KSR1: variants seen among roughly 807,000 people sequenced by gnomAD.
KSR1 encodes the protein kinase suppressor of ras.
In KSR1, 35 loss-of-function variants were observed where a neutral mutation model predicts 92.9. That is an observed-to-expected ratio of 0.38 (90% CI 0.29 to 0.50). The LOEUF is 0.50. KSR1 is among the 20% of genes least tolerant of loss of function. KSR1 has a pLI of 0.94. For synonymous variants in KSR1, 467 were observed against 472.6 expected (o/e 0.99, Z 0.15); for missense variants, 972 against 1,158.5 (o/e 0.84, Z 2.34).
intron 1 of KSR1, among the ~76,000 whole-genome samples, chr17:27,527,483 A>G (rs1012471114): frequency 1.8e-5 from 2 of 113,866 alleles, no homozygotes; most frequent in African/African-American, 7.9e-5. Context: ...GCTCACTGCA[A>G]CCTCCGCCTC....
At chr17:27,535,293 T>C (rs1323254668) in intron 1 of KSR1, among the ~76,000 whole-genome samples, 1 of 152,138 alleles carries the variant, frequency 6.6e-6, no homozygotes, top group South Asian at 2.1e-4. Flanking sequence ...CCGTAAACTC[T>C]GTAGTGCTGT....
At chr17:27,618,470 C>T (rs1183420550) in intron 19 of KSR1, among the ~76,000 whole-genome samples, 2 of 152,208 alleles carry the variant, frequency 1.3e-5, no homozygotes, top group East Asian at 1.9e-4. Context: ...AGGTCTAGGG[C>T]AGGTAAACTG....
rs371623461 is a variant in KSR1, at chr17:27,623,363, G to T, written c.2758G>T (p.Val920Phe). ...VPRFERFGLGVLESSNPKM is the reference protein window; with the variant it reads ...VPRFERFGLGFLESSNPKM ...CCGGTTTGAAAGGTTTGGCTTGGGC[G>T]TCCTGGAGTCCAGTAATCCAAAGAT... The change falls in exon 21 of 21, where the codon GTC becomes TTC. Residue 920 changes from valine to phenylalanine, a missense_variant. Val to Phe is a conservative substitution (Grantham distance 50). Around this residue, in one of 5 missense-constraint regions of KSR1, gnomAD observed 46 missense variants for 39.0 expected, o/e 1.18. Coordinates refer to ENST00000644974, the MANE Select transcript of KSR1 (RefSeq NM_001394583.1). 2.6e-6 allele frequency: 2 copies of T among 764,926 alleles called. No homozygotes were observed. The highest frequency in any genetic ancestry group is 3.4e-5 in the Admixed American group (2 of 58,982). The allele number at this position is 764,926 out of a possible 1,614,324, so 47.4% of individuals were successfully genotyped here. A position where few individuals can be genotyped will look rare whatever the true frequency, so the allele number is the denominator to read the frequency against.
rs1009705673 is a variant in KSR1 at position 27,599,092 on chromosome 17, G to T, written c.1468+1656G>T. ...GAGCGCACTTACGTAAACCCAGATG[G>T]TATAGTCCTCCACACGCCTCGGCTG... is the stretch of plus-strand genomic sequence containing the variant. On this transcript the variant is annotated intron_variant, in intron 10 of 20. Coordinates refer to ENST00000644974, the MANE Select transcript of KSR1 (RefSeq NM_001394583.1). Among the ~76,000 whole-genome samples, 87 of 152,226 alleles carry T rather than the reference G, an allele frequency of 5.7e-4. 1 individual carries two copies. The highest frequency in any genetic ancestry group is 1.5e-3 in the African/African-American group (64 of 41,456).
At chr17:27,473,694 A>G (rs2020148644) in intron 1 of KSR1, among the ~76,000 whole-genome samples, 1 of 152,184 alleles carries the variant, frequency 6.6e-6, no homozygotes, top group African/African-American at 2.4e-5. Context: ...CTGGTGGTAC[A>G]TTTTAGGAGA....
chr17:27,474,591 A>G (rs1334434505), intron 1 of KSR1, among the ~76,000 whole-genome samples: 7 of 152,222 alleles, frequency 4.6e-5, no homozygotes, highest in African/African-American at 1.7e-4. Context: ...AGTAAGTAAG[A>G]TGAGCCATGG....
rs2073658255 is a variant in KSR1 at position 27,603,899 on chromosome 17, C to G, written c.1565+11C>G. The G allele has an allele frequency of 1.2e-6, 2 of 1,613,622 alleles. No homozygotes were observed. The highest frequency in any genetic ancestry group is 2.7e-5 in the African/African-American group (2 of 75,022). ...TGCCGACGGTACCCGGTAGGCATCC[C>G]TAGGTGGTGTCCCCTTCGCTTCTTT... On this transcript the variant is annotated intron_variant, in intron 12 of 20. Transcript: ENST00000644974.
At chr17:27,526,094 T>TTTTC (rs2070282717) in intron 1 of KSR1, among the ~76,000 whole-genome samples, 1 of 118,402 alleles carries the variant, frequency 8.4e-6, no homozygotes, top group Non-Finnish European at 1.7e-5. Context: ...CTTTCTTTCT[T>TTTTC]TCTCTCTCTC....
chr17:27,611,954 A>T (rs1382699021), intron 18 of KSR1, among the ~76,000 whole-genome samples: 1 of 152,178 alleles, frequency 6.6e-6, no homozygotes, highest in Non-Finnish European at 1.5e-5. Context: ...ATGAAAGAAG[A>T]TAATTTTTTT....
chr17:27,576,083 A>T (rs2072493953), intron 2 of KSR1, among the ~76,000 whole-genome samples: 1 of 152,082 alleles, frequency 6.6e-6, no homozygotes, highest in African/African-American at 2.4e-5. Context: ...TTTTTCCCAG[A>T]GGCCACCCCC....
intron 1 of KSR1, 46 bp from the exon 2 acceptor site, chr17:27,550,522 T>G (rs1293960710): frequency 1.3e-6 from 1 of 758,730 alleles, no homozygotes; most frequent in Non-Finnish European, 2.4e-6. Context: ...GCCATATGGT[T>G]GGGCTGCAGA....
chr17:27,592,159 G>A (rs907942352), intron 7 of KSR1, among the ~76,000 whole-genome samples: 2 of 152,182 alleles, frequency 1.3e-5, no homozygotes, highest in Admixed American at 6.5e-5. Context: ...ACAGCAGAAC[G>A]TGGTAAATGC....
In KSR1 at chr17:27,572,226, A is replaced by C. The variant is rs967645137; in HGVS notation, c.373-5266A>C. Among the ~76,000 whole-genome samples, 6 of 152,214 alleles carry C rather than the reference A, an allele frequency of 3.9e-5. No individual in the cohort carries two copies. The South Asian group carries it at 8.3e-4, about 21-fold the overall frequency. On this transcript the variant is annotated intron_variant, in intron 2 of 20. Transcript: ENST00000644974. Reference sequence around the variant, plus strand: ...GAGAACATATCTCCTGGTTTGAGAGAGACAGGCAGAGGCAGGGAGCCAATG... The same window carrying C: ...GAGAACATATCTCCTGGTTTGAGAGCGACAGGCAGAGGCAGGGAGCCAATG...
In KSR1 at chr17:27,461,855, A is replaced by G. The variant is rs1383220829; in HGVS notation, c.231+4981A>G. The stretch of plus-strand genomic sequence containing the variant: ...CAGGAAAGTGCGCCGCAGGTATTCT[A>G]CTCCTGCCCGCTGGGTGTGTCTGGA... On this transcript the variant is annotated intron_variant, in intron 1 of 20. Coordinates refer to ENST00000644974, the MANE Select transcript of KSR1 (RefSeq NM_001394583.1). 1.7e-4 allele frequency among the ~76,000 whole-genome samples: 11 copies of G among 64,310 alleles called. No individual in the cohort carries two copies. The East Asian group carries it at 0.012, about 68-fold the overall frequency. The allele number at this position is 64,310 out of a possible 152,430, so 42.2% of individuals were successfully genotyped here.
At chr17:27,605,911 C>A in intron 14 of KSR1, 98 bp downstream of exon 14, 1 of 1,475,706 alleles carries the variant, frequency 6.8e-7, no homozygotes, top group South Asian at 1.3e-5. Context: ...TGTGGAAGTT[C>A]TAATAGAGGC....
At chr17:27,461,308 T>C (rs1156731789) in intron 1 of KSR1, among the ~76,000 whole-genome samples, 2 of 152,222 alleles carry the variant, frequency 1.3e-5, no homozygotes, top group East Asian at 3.9e-4. Flanking sequence ...CTCGAACTCC[T>C]GGCCTCAAGT....
At chr17:27,474,562 T>C (rs928510903) in intron 1 of KSR1, among the ~76,000 whole-genome samples, 2 of 152,234 alleles carry the variant, frequency 1.3e-5, no homozygotes, top group African/African-American at 4.8e-5. Flanking sequence ...ATGGGGATTA[T>C]AATGGGGTCG....
At chr17:27,549,298 C>T (rs2151086801) in intron 1 of KSR1, among the ~76,000 whole-genome samples, 4 of 152,336 alleles carry the variant, frequency 2.6e-5, no homozygotes, top group Admixed American at 2.6e-4. Context: ...ATTTCAGGAG[C>T]TCTCCCTGGG....
At chr17:27,523,331 C>T (rs531664747) in intron 1 of KSR1, among the ~76,000 whole-genome samples, 23 of 148,944 alleles carry the variant, frequency 1.5e-4, no homozygotes, top group South Asian at 8.4e-4. Context: ...TTAAGAAAAA[C>T]GTTGGTAGAA....
Sources: allele counts gnomAD v4.1 joint callset (sites outside exome capture counted in the v4.1 genomes callset), GRCh38; gene constraint gnomAD v4.1.1; regional missense constraint gnomAD v4.1.1; transcripts MANE v1.5; gene names NCBI Gene and HGNC (gene_info 2026-07-23, HGNC 2026-07-21).